RAI14: variants seen among roughly 807,000 people sequenced by gnomAD.
The protein encoded by RAI14 is ankycorbin.
RAI14 carries 45 observed loss-of-function variants against 115.4 expected under a neutral mutation model. The ratio of observed to expected loss-of-function variants is 0.39; its 90% confidence interval spans 0.31 to 0.50. The LOEUF (loss-of-function observed/expected upper bound fraction) is 0.50, where lower values mean the gene tolerates loss of function less well. Among genes scored for constraint, RAI14 ranks in the 20% least tolerant of loss-of-function variants. The pLI is 0.85. For missense variants in RAI14, 939 were observed against 1,131.2 expected (o/e 0.83, Z 2.44); for synonymous variants, 371 against 415.4 (o/e 0.89, Z 1.30).
intron 3 of RAI14, among the ~76,000 whole-genome samples, chr5:34,775,152 T>C (rs1448611529): frequency 2.0e-5 from 3 of 152,188 alleles, no homozygotes; most frequent in Non-Finnish European, 4.4e-5. Flanking sequence ...CCTCAAACTA[T>C]GAAACTACTA....
chr5:34,719,069 C>T (rs1742331242), intron 2 of RAI14, among the ~76,000 whole-genome samples: 1 of 152,206 alleles, frequency 6.6e-6, no homozygotes. Flanking sequence ...ATTACACTCA[C>T]CAATTCTCTG....
rs1036735656 is a variant in RAI14 at position 34,689,741 on chromosome 5, G to A, written c.36+2786G>A. 6.6e-5 allele frequency among the ~76,000 whole-genome samples: 10 copies of A among 151,880 alleles called. No individual in the cohort carries two copies. In the East Asian group the frequency reaches 1.2e-3, roughly 18 times the overall value. On this transcript the variant is annotated intron_variant, in intron 2 of 17. Transcript: ENST00000265109. ...TACAAAATTAGCCGGGTGTGGTGGT[G>A]CATGCCTGTAATCCCAGCTACTTGG...
intron 2 of RAI14, among the ~76,000 whole-genome samples, chr5:34,691,346 A>G (rs1031235562): frequency 6.6e-6 from 1 of 152,220 alleles, no homozygotes; most frequent in African/African-American, 2.4e-5. Flanking sequence ...TTAAAAATGG[A>G]TAGATTGACT....
In RAI14 at chr5:34,689,621, C is replaced by T. The variant is rs1738321691; in HGVS notation, c.36+2666C>T. On this transcript the variant is annotated intron_variant, in intron 2 of 17. Transcript: ENST00000265109. ...GGTGTGGTGACTCACACCTGTAATC[C>T]CAGCTACTTGGGAGGCTGAGGCAGA... is the stretch of plus-strand genomic sequence containing the variant. Among the ~76,000 whole-genome samples, 6 of 152,122 alleles carry T rather than the reference C, an allele frequency of 3.9e-5. No individual in the cohort carries two copies. In the South Asian group the frequency reaches 1.2e-3, roughly 32 times the overall value.
Position 34,822,632 on chromosome 5 carries a change from G to A in RAI14, c.1114-324G>A, listed in dbSNP as rs1756981459. Among the ~76,000 whole-genome samples, 4 of 124,096 alleles carry A rather than the reference G, an allele frequency of 3.2e-5. No homozygotes were observed. The South Asian group carries it at 1.2e-3, about 38-fold the overall frequency. 81.4% of individuals were successfully genotyped at this position (124,096 alleles called of 152,430 possible). On this transcript the variant is annotated intron_variant, in intron 14 of 17. Coordinates refer to ENST00000265109, the MANE Select transcript of RAI14 (RefSeq NM_015577.3). Reference sequence around the variant, plus strand: ...TTGCGGATTTACTCCTCTCATTCTAGTTGCTTGCTTAGCTAACCACGCCTT... The same window carrying A: ...TTGCGGATTTACTCCTCTCATTCTAATTGCTTGCTTAGCTAACCACGCCTT...
At chr5:34,775,703 G>A (rs1750747463) in intron 3 of RAI14, among the ~76,000 whole-genome samples, 1 of 152,132 alleles carries the variant, frequency 6.6e-6, no homozygotes, top group African/African-American at 2.4e-5. Context: ...ACTACAATGA[G>A]CTAACTACTA....
chr5:34,712,772 C>G (rs1251164979), intron 2 of RAI14, among the ~76,000 whole-genome samples: 1 of 152,036 alleles, frequency 6.6e-6, no homozygotes, highest in African/African-American at 2.4e-5. Context: ...TGTCAGGTCT[C>G]TTTATTACAG....
At chr5:34,674,918 G>A (rs1009734906) in intron 1 of RAI14, among the ~76,000 whole-genome samples, 3 of 138,834 alleles carry the variant, frequency 2.2e-5, no homozygotes, top group Non-Finnish European at 4.6e-5. Flanking sequence ...TTTTTTTTGA[G>A]ACTGAGTCTC....
intron 3 of RAI14, among the ~76,000 whole-genome samples, chr5:34,787,710 T>C (rs1174827582): frequency 1.3e-5 from 2 of 152,026 alleles, no homozygotes; most frequent in Non-Finnish European, 2.9e-5. Flanking sequence ...TAAAAGCAAC[T>C]TAATTGTGCA....
intron 13 of RAI14, among the ~76,000 whole-genome samples, chr5:34,820,655 G>A (rs1201319067): frequency 1.3e-5 from 2 of 152,104 alleles, no homozygotes; most frequent in East Asian, 1.9e-4. Context: ...AATTCACACA[G>A]TTACTTCACT....
At chr5:34,752,727 G>A (rs1008448683) in intron 2 of RAI14, among the ~76,000 whole-genome samples, 5,651 of 86,352 alleles carry the variant, frequency 0.065, 658 homozygotes, top group African/African-American at 0.21. Flanking sequence ...GTGTGTGTGT[G>A]TGTGTGTGTG....
chr5:34,693,726 A>T (rs1034241272), intron 2 of RAI14, among the ~76,000 whole-genome samples: 1 of 152,210 alleles, frequency 6.6e-6, no homozygotes, highest in Non-Finnish European at 1.5e-5. Flanking sequence ...TGTCAACCGC[A>T]GCACACGCTT....
intron 3 of RAI14, among the ~76,000 whole-genome samples, chr5:34,767,485 A>G (rs1749552797): frequency 6.6e-6 from 1 of 152,150 alleles, no homozygotes. Flanking sequence ...GCCTGCTCAG[A>G]GGCTGGGGTA....
intron 15 of RAI14, 134 bp downstream of exon 15, chr5:34,824,625 TG>T: frequency 1.4e-6 from 1 of 733,586 alleles, no homozygotes. Flanking sequence ...GAACTTTATC[TG>T]TCACCAAAGC....
At position 34,808,621 on chromosome 5, in the gene RAI14, C is replaced by A; in HGVS notation, c.417C>A (p.Cys139Ter). 6.2e-7 allele frequency: 1 copy of A among 1,614,160 alleles called. No homozygotes were observed. The highest frequency in any genetic ancestry group is 8.5e-7 in the Non-Finnish European group (1 of 1,180,022). Residue 139 changes from cysteine to a stop codon, truncating the protein, a stop_gained, in exon 7 of 18, where the codon TGC (cysteine) becomes TGA (stop). Coordinates refer to ENST00000265109, the MANE Select transcript of RAI14 (RefSeq NM_015577.3). LOFTEE classifies it high-confidence loss of function. ...GCCTTCAAGCTGTGCAGATTCTCTG[C>A]GAACACAAGAGCCCCATAAACCTCA... Reference protein sequence around the residue: ...QGCLQAVQILCEHKSPINLKD... With the variant: ...QGCLQAVQIL
In RAI14 at chr5:34,759,027, C is replaced by T. The variant is rs191029912; in HGVS notation, c.167+1429C>T. Among the ~76,000 whole-genome samples, 212 of 152,148 alleles carry T rather than the reference C, an allele frequency of 1.4e-3. 1 individual carries two copies. Among genetic ancestry groups the T allele is most frequent in the African/African-American group, 4.8e-3 (201 of 41,518 alleles). On this transcript the variant is annotated intron_variant, in intron 3 of 17. Transcript: ENST00000265109. ...CTGTAATCCCAGCACTTTGGGAGGCCGAGGCGGGTGGAATCACTTGAGGTC... is the reference window on the plus strand; with the variant it reads ...CTGTAATCCCAGCACTTTGGGAGGCTGAGGCGGGTGGAATCACTTGAGGTC...
rs115593594 is a variant in RAI14 at position 34,675,758 on chromosome 5, A to G, written c.-48-11114A>G. On this transcript the variant is annotated intron_variant, in intron 1 of 17. Coordinates refer to ENST00000265109, the MANE Select transcript of RAI14 (RefSeq NM_015577.3). Reference sequence around the variant, plus strand: ...AGAGAAAGACTCTGTCTCTTAAAAAAAAGAAAAAAAAAAAGGAATGGAATC... The same window carrying G: ...AGAGAAAGACTCTGTCTCTTAAAAAGAAGAAAAAAAAAAAGGAATGGAATC... Among the ~76,000 whole-genome samples the G allele has an allele frequency of 4.0e-3, 551 of 139,378 alleles. 7 individuals carry two copies. Among genetic ancestry groups the G allele is most frequent in the African/African-American group, 0.013 (521 of 41,130 alleles). The allele number at this position is 139,378 out of a possible 152,430, so 91.4% of individuals were successfully genotyped here. A position where few individuals can be genotyped will look rare whatever the true frequency, so the allele number is the denominator to read the frequency against.
At chr5:34,675,533 G>A (rs1455771187) in intron 1 of RAI14, among the ~76,000 whole-genome samples, 2 of 152,188 alleles carry the variant, frequency 1.3e-5, no homozygotes, top group African/African-American at 4.8e-5. Flanking sequence ...CCGGAGGAAC[G>A]TTTGAGGCCA....
intron 14 of RAI14, among the ~76,000 whole-genome samples, chr5:34,822,747 G>A (rs577767639): frequency 3.9e-4 from 51 of 131,874 alleles, no homozygotes; most frequent in Admixed American, 2.7e-3. Flanking sequence ...GCAGTGGCGC[G>A]ATCTCGGCTC....
Sources: gnomAD v4.1 joint callset for allele counts (sites outside exome capture counted in the v4.1 genomes callset) on GRCh38, gnomAD v4.1.1 for gene constraint, MANE v1.5 for transcripts, NCBI Gene and HGNC (gene_info 2026-07-23, HGNC 2026-07-21) for gene names.